MAPK8IP2: variants seen among roughly 807,000 people sequenced by gnomAD.
The protein encoded by MAPK8IP2 is C-Jun-amino-terminal kinase-interacting protein 2.
Under a neutral mutation model 75.6 loss-of-function variants are expected in MAPK8IP2, and 15 were observed. The observed-to-expected ratio is 0.20, with a 90% CI of 0.13 to 0.31. The LOEUF (loss-of-function observed/expected upper bound fraction) is 0.31, where lower values mean the gene tolerates loss of function less well. MAPK8IP2 is among the 10% of genes least tolerant of loss of function. The pLI, the probability that MAPK8IP2 is intolerant of heterozygous loss-of-function variation, is 1.00. For synonymous variants in MAPK8IP2, 632 were observed against 554.5 expected, an observed-to-expected ratio of 1.14 and a Z score of -1.96; for missense variants, 1,089 against 1,211.2, an observed-to-expected ratio of 0.90 and a Z score of 1.50.
At position 50,603,210 on chromosome 22, in the gene MAPK8IP2, C is replaced by A; in HGVS notation, c.172-13C>A. The A allele has an allele frequency of 6.2e-7, 1 of 1,612,070 alleles. No individual in the cohort carries two copies. The highest frequency in any genetic ancestry group is 8.5e-7 in the Non-Finnish European group (1 of 1,179,724). On this transcript the variant is annotated splice_polypyrimidine_tract_variant and intron_variant, in intron 2 of 11. Coordinates refer to ENST00000329492, the MANE Select transcript of MAPK8IP2 (RefSeq NM_012324.6). ...CCTCTGGCCCAGCCCTGCTATCTCC[C>A]TCCGTCCTGCAGGACAGCCTCTCCC...
At chr22:50,603,059 G>A in intron 2 of MAPK8IP2, 164 bp from the exon 3 acceptor site, 1 of 1,457,258 alleles carries the variant, frequency 6.9e-7, no homozygotes, top group South Asian at 1.4e-5. Flanking sequence ...CCCAATGTGT[G>A]TTAGGCAGAT....
intron 2 of MAPK8IP2, 50 bp from the exon 3 acceptor site, chr22:50,603,173 G>A: frequency 6.2e-7 from 1 of 1,611,468 alleles, no homozygotes; most frequent in Non-Finnish European, 8.5e-7. Flanking sequence ...TGGGCCCCTG[G>A]GCTACTGCTG....
rs1176299890 is a variant in MAPK8IP2, at chr22:50,606,711, C to A, written c.2178C>A (p.Asp726Glu). The A allele has an allele frequency of 6.3e-7, 1 of 1,596,366 alleles. No individual in the cohort carries two copies. Among genetic ancestry groups the A allele is most frequent in the Non-Finnish European group, 8.5e-7 (1 of 1,171,702 alleles). The change falls in exon 9 of 12, where the codon GAC becomes GAA. Residue 726 changes from aspartate (D) to glutamate (E), a missense_variant. Transcript: ENST00000329492. ...TVHLRPPASC[D>E]LEISLRGVKL... ...ACCTGCGCCCTCCTGCCTCCTGTGA[C>A]CTCGAGATCTCTCTTCGGGGGGTCA...
intron 9 of MAPK8IP2, 40 bp from the exon 10 acceptor site, chr22:50,606,881 C>T (rs1453633505): frequency 6.2e-7 from 1 of 1,606,864 alleles, no homozygotes; most frequent in South Asian, 1.1e-5. Context: ...TGGCGCCAGG[C>T]CTCCTTTGAC....
chr22:50,610,432 G>A lies in MAPK8IP2; in HGVS notation c.2402+122G>A. 1.1e-6 allele frequency: 1 copy of A among 876,356 alleles called. No individual in the cohort carries two copies. The highest frequency in any genetic ancestry group is 1.8e-6 in the Non-Finnish European group (1 of 550,640). The allele number at this position is 876,356 out of a possible 1,614,324, so 54.3% of individuals were successfully genotyped here. A position where few individuals can be genotyped will look rare whatever the true frequency, so the allele number is the denominator to read the frequency against. ...GGTCTGGGGAAGGAGAACCAGATGT[G>A]CTGTGTAGAGAGGGCAGTGGTGGGT... On this transcript the variant is annotated intron_variant, in intron 11 of 11. Transcript: ENST00000329492. The surrounding 1 kb of genome is among the most constrained non-coding windows in gnomAD (Gnocchi z 4.3).
rs1162509593 is a variant in MAPK8IP2, at chr22:50,610,722, G to A, written c.2418G>A (p.Glu806=). ...VAQSVGRAFL[E]YYQEHLAYAC... ...CTTTCCCCAGCCGCGCCTTCCTGGA[G>A]TACTACCAAGAGCACCTGGCGTACG... The change falls in exon 12 of 12, where the codon GAG becomes GAA. Residue 806 remains glutamate (E), a synonymous_variant. Transcript: ENST00000329492. This position sits in a 1 kb window ranked among gnomAD's most constrained non-coding sequence, Gnocchi z 4.3. 1.9e-6 allele frequency: 3 copies of A among 1,609,570 alleles called. No individual in the cohort carries two copies. The highest frequency in any genetic ancestry group is 2.2e-5 in the South Asian group (2 of 90,330).
Position 50,610,735 on chromosome 22 carries a change from C to T in MAPK8IP2, c.2431C>T (p.His811Tyr). The change falls in exon 12 of 12, where the codon CAC (histidine) becomes TAC (tyrosine). Residue 811 changes from histidine to tyrosine, a missense_variant. Coordinates refer to ENST00000329492, the MANE Select transcript of MAPK8IP2 (RefSeq NM_012324.6). The surrounding 1 kb of genome is among the most constrained non-coding windows in gnomAD (Gnocchi z 4.3). ...CGCCTTCCTGGAGTACTACCAAGAGCACCTGGCGTACGCCTGCCCCACGGA... is the reference window on the plus strand; with the variant it reads ...CGCCTTCCTGGAGTACTACCAAGAGTACCTGGCGTACGCCTGCCCCACGGA... ...GRAFLEYYQE[H>Y]LAYACPTEDI... 1 of 1,610,964 alleles carries T rather than the reference C, an allele frequency of 6.2e-7. No homozygotes were observed. Among genetic ancestry groups the T allele is most frequent in the Non-Finnish European group, 8.5e-7 (1 of 1,178,922 alleles).
chr22:50,611,394 G>A lies in MAPK8IP2; in HGVS notation c.*615G>A, dbSNP rs1275236856. 1 of 152,216 alleles carries A rather than the reference G, an allele frequency of 6.6e-6. No homozygotes were observed. Among genetic ancestry groups the A allele is most frequent in the African/African-American group, 2.4e-5 (1 of 41,438 alleles). 9.4% of individuals were successfully genotyped at this position (152,216 alleles called of 1,614,324 possible). On this transcript the variant is annotated 3_prime_UTR_variant, in exon 12 of 12. Coordinates refer to ENST00000329492, the MANE Select transcript of MAPK8IP2 (RefSeq NM_012324.6). The surrounding 1 kb of genome is among the most constrained non-coding windows in gnomAD (Gnocchi z 5.5). Reference sequence around the variant, plus strand: ...TGATGCTCACCTGAAGCCCCTAGACGCTGCTAGGAGGGGGGGCCCTCCTGG... The same window carrying A: ...TGATGCTCACCTGAAGCCCCTAGACACTGCTAGGAGGGGGGGCCCTCCTGG...
chr22:50,605,090 G>A (rs1320188516), intron 5 of MAPK8IP2, 26 bp downstream of exon 5: 1 of 1,611,606 alleles, frequency 6.2e-7, no homozygotes, highest in Admixed American at 1.7e-5. Flanking sequence ...GGAAAAGGGG[G>A]GTGGCCCAGA....
chr22:50,601,726 A>G lies in MAPK8IP2; in HGVS notation c.66-63A>G, dbSNP rs960363228. 5.4e-6 allele frequency: 7 copies of G among 1,307,078 alleles called. No homozygotes were observed. The African/African-American group carries it at 8.7e-5, about 16-fold the overall frequency. 81.0% of individuals were successfully genotyped at this position (1,307,078 alleles called of 1,614,324 possible). On this transcript the variant is annotated intron_variant, in intron 1 of 11. Transcript: ENST00000329492. ...CTGACGCCTCCCTCTGCCCCTCCTC[A>G]GGGCCAGTTGCCAGGCAGGGAGTCC...
chr22:50,607,119 CT>C lies in MAPK8IP2; in HGVS notation c.2303+130del. ...GCCCTGAGAGCTCCACCTGCACCCA[CT>C]TAGCTCTGTGAGCTGAGCCTGCAGT... is the stretch of plus-strand genomic sequence containing the variant. On this transcript the variant is annotated intron_variant, in intron 10 of 11. Transcript: ENST00000329492. The surrounding 1 kb of genome is among the most constrained non-coding windows in gnomAD (Gnocchi z 5.6). 1 of 733,238 alleles carries C rather than the reference CT, an allele frequency of 1.4e-6. No individual in the cohort carries two copies. Among genetic ancestry groups the C allele is most frequent in the Middle Eastern group, 3.5e-4 (1 of 2,828 alleles). 45.4% of individuals were successfully genotyped at this position (733,238 alleles called of 1,614,324 possible).
In MAPK8IP2 at chr22:50,604,918, G is replaced by GCGGCGGGGAGGC; in HGVS notation, c.1621_1632dup (p.Gly541_Ala544dup). 2 of 1,604,428 alleles carry GCGGCGGGGAGGC rather than the reference G, an allele frequency of 1.2e-6. No individual in the cohort carries two copies. Among genetic ancestry groups the GCGGCGGGGAGGC allele is most frequent in the Non-Finnish European group, 1.7e-6 (2 of 1,175,222 alleles). On this transcript the variant is annotated inframe_insertion, in exon 5 of 12. Transcript: ENST00000329492. The stretch of plus-strand genomic sequence containing the variant: ...CTGGGCCACGACAGCGAAGAGGACA[G>GCGGCGGGGAGGC]CGGCGGGGAGGCCAGCGAGGAGGAG...
chr22:50,605,486 C>T, intron 6 of MAPK8IP2, 43 bp downstream of exon 6: 4 of 1,611,244 alleles, frequency 2.5e-6, no homozygotes, highest in Non-Finnish European at 2.5e-6. Context: ...AGCCTCAGTC[C>T]CTGCCATCAC....
chr22:50,604,248 C>A lies in MAPK8IP2; in HGVS notation c.949C>A (p.Pro317Thr). The change falls in exon 5 of 12, where the codon CCC becomes ACC. Residue 317 changes from proline (P) to threonine (T), a missense_variant. Physicochemically the swap from Pro to Thr is conservative, Grantham distance 38 (BLOSUM62 -1). Coordinates refer to ENST00000329492, the MANE Select transcript of MAPK8IP2 (RefSeq NM_012324.6). ...GCCCCCGCGCGAACCCCCGCGCCGCCCCGCCTTCCTGCCCGTGGGCCCCGA... is the reference window on the plus strand; with the variant it reads ...GCCCCCGCGCGAACCCCCGCGCCGCACCGCCTTCCTGCCCGTGGGCCCCGA... ...PEPPREPPRR[P>T]AFLPVGPDDT... 1.3e-6 allele frequency: 2 copies of A among 1,566,072 alleles called. No homozygotes were observed. Among genetic ancestry groups the A allele is most frequent in the South Asian group, 2.3e-5 (2 of 86,878 alleles).
Position 50,612,826 on chromosome 22 carries a change from G to C in MAPK8IP2, c.*2047G>C, listed in dbSNP as rs1178908291. 2 of 45,752 alleles carry C rather than the reference G, an allele frequency of 4.4e-5. No individual in the cohort carries two copies. The highest frequency in any genetic ancestry group is 1.0e-4 in the Non-Finnish European group (2 of 19,964). The allele number at this position is 45,752 out of a possible 1,614,324, so 2.8% of individuals were successfully genotyped here. ...CTCCTCCCTCTGCTCTTCCACTCAG[G>C]TGAGAATTCTCCAAGCCCTGCCCTC... On this transcript the variant is annotated 3_prime_UTR_variant, in exon 12 of 12. Coordinates refer to ENST00000329492, the MANE Select transcript of MAPK8IP2 (RefSeq NM_012324.6).
At position 50,610,370 on chromosome 22, in the gene MAPK8IP2, G is replaced by A. The variant is rs1471987609; in HGVS notation, c.2402+60G>A. The A allele has an allele frequency of 2.3e-5, 33 of 1,433,884 alleles. No homozygotes were observed. The highest frequency in any genetic ancestry group is 2.9e-5 in the Non-Finnish European group (30 of 1,041,842). The allele number at this position is 1,433,884 out of a possible 1,614,324, so 88.8% of individuals were successfully genotyped here. A position where few individuals can be genotyped will look rare whatever the true frequency, so the allele number is the denominator to read the frequency against. On this transcript the variant is annotated intron_variant, in intron 11 of 11. Coordinates refer to ENST00000329492, the MANE Select transcript of MAPK8IP2 (RefSeq NM_012324.6). The surrounding 1 kb of genome is among the most constrained non-coding windows in gnomAD (Gnocchi z 4.3). ...GTGCAGGGTTACGGAGGTGGGGAGC[G>A]GAGGTGAGCAGGTGGGGGCAGGAGC...
At chr22:50,602,233 C>T (rs539646137) in intron 2 of MAPK8IP2, among the ~76,000 whole-genome samples, 268 of 152,228 alleles carry the variant, frequency 1.8e-3, no homozygotes, top group Non-Finnish European at 2.6e-3. Flanking sequence ...ACAACCTTGT[C>T]CCCTCTGCAG....
chr22:50,601,949 C>T (rs1040380581), intron 2 of MAPK8IP2, 55 bp downstream of exon 2: 8 of 1,444,640 alleles, frequency 5.5e-6, no homozygotes, highest in Non-Finnish European at 6.8e-6. Context: ...TCATTAGGTT[C>T]TTCTTAGCGT....
intron 3 of MAPK8IP2, 45 bp downstream of exon 3, chr22:50,603,543 A>C (rs746085725): frequency 6.3e-7 from 1 of 1,576,374 alleles, no homozygotes; most frequent in Non-Finnish European, 8.6e-7. Context: ...GCCTGGGTTC[A>C]TAGCACCTGG....
Sources: gnomAD v4.1 joint callset for allele counts (sites outside exome capture counted in the v4.1 genomes callset) on GRCh38, gnomAD v4.1.1 for gene constraint, Gnocchi (gnomAD v3.1) non-coding constraint, MANE v1.5 for transcripts, NCBI Gene and HGNC (gene_info 2026-07-23, HGNC 2026-07-21) for gene names.